The following SAMMSON variants were observed in gnomAD, a reference collection of about 807,000 sequenced individuals.
SAMMSON encodes the protein long intergenic non-protein coding RNA 1212.
intron 4 of SAMMSON, among the ~76,000 whole-genome samples, chr3:70,167,248 T>C (rs138132210): frequency 6.6e-6 from 1 of 152,116 alleles, no homozygotes; most frequent in Non-Finnish European, 1.5e-5. Context: ...CATATTAAAC[T>C]ATAGTTGGCT....
At chr3:70,260,433 T>G (rs1019452805) in intron 6 of SAMMSON, among the ~76,000 whole-genome samples, 2 of 152,094 alleles carry the variant, frequency 1.3e-5, no homozygotes, top group African/African-American at 4.8e-5. Flanking sequence ...TATGAGGTAA[T>G]GGGGGTTAGT....
chr3:70,194,488 A>G (rs1049187065), intron 4 of SAMMSON, among the ~76,000 whole-genome samples: 2 of 152,224 alleles, frequency 1.3e-5, no homozygotes, highest in Non-Finnish European at 2.9e-5. Flanking sequence ...ATGTTTGCAA[A>G]AAGGATGATG....
intron 4 of SAMMSON, among the ~76,000 whole-genome samples, chr3:70,219,315 A>G (rs1330744672): frequency 6.6e-6 from 1 of 152,204 alleles, no homozygotes; most frequent in Non-Finnish European, 1.5e-5. Flanking sequence ...TGCTGAAAGT[A>G]GAATGGAATT....
chr3:70,208,138 A>G (rs1701309829), intron 4 of SAMMSON, among the ~76,000 whole-genome samples: 1 of 152,086 alleles, frequency 6.6e-6, no homozygotes, highest in Non-Finnish European at 1.5e-5. Context: ...CAGGCTGATG[A>G]TGCCCAGGAA....
intron 4 of SAMMSON, chr3:70,125,640 A>G: frequency 1.4e-6 from 1 of 699,446 alleles, no homozygotes. Flanking sequence ...GCATGTCGGT[A>G]GATATATGGA....
At chr3:70,396,350 A>C (rs2106760197) in intron 2 of SAMMSON, among the ~76,000 whole-genome samples, 1 of 152,326 alleles carries the variant, frequency 6.6e-6, no homozygotes, top group Middle Eastern at 3.4e-3. Flanking sequence ...AGTGACTAGT[A>C]ATCAATTGTA....
intron 4 of SAMMSON, among the ~76,000 whole-genome samples, chr3:70,103,709 A>T (rs562668989): frequency 6.6e-6 from 1 of 152,258 alleles, no homozygotes; most frequent in South Asian, 2.1e-4. Flanking sequence ...GAAAATTCTT[A>T]CTCAACTCTT....
intron 4 of SAMMSON, among the ~76,000 whole-genome samples, chr3:70,245,183 A>C (rs1037510055): frequency 2.0e-5 from 3 of 152,116 alleles, no homozygotes; most frequent in Admixed American, 6.6e-5. Flanking sequence ...CTTGCAATGC[A>C]TTTCTCTTGG....
intron 3 of SAMMSON, among the ~76,000 whole-genome samples, chr3:70,066,959 T>C (rs1334003062): frequency 1.3e-5 from 2 of 152,150 alleles, no homozygotes. Context: ...TGGAAAATTA[T>C]AGGATATGTG....
chr3:70,064,124 A>T (rs1402535166), intron 3 of SAMMSON, among the ~76,000 whole-genome samples: 1 of 152,126 alleles, frequency 6.6e-6, no homozygotes, highest in Admixed American at 6.6e-5. Flanking sequence ...AGATCTATAC[A>T]TGGCTTTCCA....
chr3:70,278,822 A>G (rs960911764), intron 6 of SAMMSON, among the ~76,000 whole-genome samples: 3 of 152,072 alleles, frequency 2.0e-5, no homozygotes, highest in Admixed American at 6.6e-5. Flanking sequence ...TTCTTCTTCT[A>G]TAAAGGATAG....
At chr3:70,346,119 T>C (rs1702748615) in intron 7 of SAMMSON, among the ~76,000 whole-genome samples, 1 of 151,966 alleles carries the variant, frequency 6.6e-6, no homozygotes, top group African/African-American at 2.4e-5. Context: ...AAATTCCTTT[T>C]GCTCTTCACG....
At chr3:70,312,463 C>G (rs1165894266) in intron 7 of SAMMSON, 1 of 152,328 alleles carries the variant, frequency 6.6e-6, no homozygotes, top group South Asian at 2.1e-4. Context: ...GTTGACGAGA[C>G]CTATTACGAA....
At chr3:70,414,975 AGAG>A (rs907312033) in intron 2 of SAMMSON, among the ~76,000 whole-genome samples, 3 of 152,184 alleles carry the variant, frequency 2.0e-5, no homozygotes, top group Non-Finnish European at 4.4e-5. Flanking sequence ...GCAGAGGAGA[AGAG>A]GAGAGGAAAA....
intron 7 of SAMMSON, among the ~76,000 whole-genome samples, chr3:70,318,887 G>A (rs550245133): frequency 1.1e-4 from 17 of 151,928 alleles, no homozygotes; most frequent in Non-Finnish European, 2.5e-4. Flanking sequence ...TGTAGTTCAT[G>A]CTTTAGGACC....
chr3:70,377,482 T>C (rs1024379757), intron 9 of SAMMSON, among the ~76,000 whole-genome samples: 1 of 152,066 alleles, frequency 6.6e-6, no homozygotes. Context: ...ACAAGATAAA[T>C]AGAAATAAAT....
intron 4 of SAMMSON, among the ~76,000 whole-genome samples, chr3:70,193,490 G>T (rs1431467363): frequency 1.3e-5 from 2 of 151,958 alleles, no homozygotes; most frequent in African/African-American, 4.8e-5. Context: ...GTAGAGACAG[G>T]GGTCTCACTA....
chr3:70,270,750 C>G (rs1701968244), intron 6 of SAMMSON, among the ~76,000 whole-genome samples: 2 of 152,112 alleles, frequency 1.3e-5, no homozygotes, highest in South Asian at 4.1e-4. Flanking sequence ...ACGGTTGAAG[C>G]TGGAAACCAT....
chr3:70,086,141 C>A (rs1361193903), intron 4 of SAMMSON, among the ~76,000 whole-genome samples: 1 of 152,164 alleles, frequency 6.6e-6, no homozygotes, highest in Non-Finnish European at 1.5e-5. Flanking sequence ...ACTAAGAAAA[C>A]CAGTGAAGGA....
Sources: gnomAD v4.1 joint callset for allele counts (sites outside exome capture counted in the v4.1 genomes callset) on GRCh38, gnomAD v4.1.1 for gene constraint, MANE v1.5 for transcripts, NCBI Gene and HGNC (gene_info 2026-07-23, HGNC 2026-07-21) for gene names.